COL4A2: variants seen among roughly 807,000 people sequenced by gnomAD.
COL4A2 encodes the protein collagen alpha-2(IV) chain.
Under a neutral mutation model 200.2 loss-of-function variants are expected in COL4A2, and 99 were observed. That is an observed-to-expected ratio of 0.49 (90% CI 0.42 to 0.58). The LOEUF is 0.58. Ranked by LOEUF, COL4A2 falls within the 20% of genes least tolerant of loss-of-function variation. COL4A2 has a pLI of 0.00. For synonymous variants in COL4A2, 897 were observed against 900.6 expected (o/e 1.00, Z 0.07); for missense variants, 1,950 against 2,314.1 (o/e 0.84, Z 3.23).
chr13:110,386,785 T>G (rs2139417985), intron 4 of COL4A2, among the ~76,000 whole-genome samples: 1 of 152,244 alleles, frequency 6.6e-6, no homozygotes, highest in South Asian at 2.1e-4. Flanking sequence ...GACCATGATG[T>G]GGGACAGAGA....
At position 110,386,395 on chromosome 13, in the gene COL4A2, C is replaced by A. The variant is rs534522015; in HGVS notation, c.180+28843C>A. Among the ~76,000 whole-genome samples the A allele has an allele frequency of 2.0e-5, 3 of 152,304 alleles. No individual in the cohort carries two copies. In the East Asian group the frequency reaches 5.8e-4, roughly 29 times the overall value. ...TCAGGTGTGTTTCTTGTGTAAGCCA[C>A]AGTGCTGGAAAAGTAGGATGGCTCC... is the stretch of plus-strand genomic sequence containing the variant. On this transcript the variant is annotated intron_variant, in intron 4 of 47. Coordinates refer to ENST00000360467, the MANE Select transcript of COL4A2 (RefSeq NM_001846.4).
At chr13:110,423,874 C>T (rs990006833) in intron 4 of COL4A2, among the ~76,000 whole-genome samples, 23 of 152,194 alleles carry the variant, frequency 1.5e-4, no homozygotes, top group African/African-American at 4.8e-4. Context: ...AAGGTTCTTC[C>T]GTGTCACAGC....
rs1424466893 is a variant in COL4A2, at chr13:110,307,788, G to T, written c.-44-72G>T. The T allele has an allele frequency of 1.4e-6, 2 of 1,390,624 alleles. No individual in the cohort carries two copies. The highest frequency in any genetic ancestry group is 2.3e-5 in the Admixed American group (1 of 43,240). 86.1% of individuals were successfully genotyped at this position (1,390,624 alleles called of 1,614,324 possible). On this transcript the variant is annotated intron_variant, in intron 1 of 47. Coordinates refer to ENST00000360467, the MANE Select transcript of COL4A2 (RefSeq NM_001846.4). This position sits in a 1 kb window ranked among gnomAD's most constrained non-coding sequence, Gnocchi z 5.0. ...CACCGCGCTGTCCCCGCGTCTCGCG[G>T]ACCGAGACCGGCGGTGAGGATGGGC...
chr13:110,365,083 A>G (rs1877684670), intron 4 of COL4A2, among the ~76,000 whole-genome samples: 2 of 152,120 alleles, frequency 1.3e-5, no homozygotes, highest in South Asian at 2.1e-4. Flanking sequence ...AACTGTGGCT[A>G]TGCATAATCC....
Position 110,424,945 on chromosome 13 carries a change from C to T in COL4A2, c.316-8C>T, listed in dbSNP as rs772419497. The T allele has an allele frequency of 6.2e-7, 1 of 1,614,208 alleles. No homozygotes were observed. Among genetic ancestry groups the T allele is most frequent in the East Asian group, 2.2e-5 (1 of 44,886 alleles). On this transcript the variant is annotated splice_polypyrimidine_tract_variant and splice_region_variant and intron_variant, in intron 5 of 47. Coordinates refer to ENST00000360467, the MANE Select transcript of COL4A2 (RefSeq NM_001846.4). ...AGCCTTGGTTAATTGCATTTGCTTTCTTCATAGGGAGCAAGAGGCGTTTCT... is the reference window on the plus strand; with the variant it reads ...AGCCTTGGTTAATTGCATTTGCTTTTTTCATAGGGAGCAAGAGGCGTTTCT...
In COL4A2 at chr13:110,503,675, G is replaced by C. The variant is rs550161335; in HGVS notation, c.4139-172G>C. The stretch of plus-strand genomic sequence containing the variant: ...GGAATGGAGAGCTTAATATTCAAAC[G>C]GCAGGCGCTGAGTCACGGCTCAGGC... On this transcript the variant is annotated intron_variant, in intron 43 of 47. Coordinates refer to ENST00000360467, the MANE Select transcript of COL4A2 (RefSeq NM_001846.4). 2.2e-4 allele frequency among the ~76,000 whole-genome samples: 34 copies of C among 152,288 alleles called. No homozygotes were observed. The South Asian group carries it at 6.6e-3, about 30-fold the overall frequency.
At position 110,485,761 on chromosome 13, in the gene COL4A2, C is replaced by T. The variant is rs765918810; in HGVS notation, c.3132C>T (p.Ile1044=). The change falls in exon 34 of 48, where the codon ATC becomes ATT. Residue 1044 remains isoleucine (I), a synonymous_variant. Coordinates refer to ENST00000360467, the MANE Select transcript of COL4A2 (RefSeq NM_001846.4). ...GVKGDIGVPG[I]PGLPGFPGVA... is the part of the protein sequence containing the mutation. ...AGGGAGACATCGGAGTCCCCGGCAT[C>T]CCCGGTTTGCCAGGATTCCCTGGGG... The T allele has an allele frequency of 1.2e-6, 2 of 1,613,932 alleles. No individual in the cohort carries two copies. The highest frequency in any genetic ancestry group is 3.3e-5 in the Admixed American group (2 of 60,018).
chr13:110,423,631 G>A (rs1270386199), intron 4 of COL4A2, among the ~76,000 whole-genome samples: 1 of 152,130 alleles, frequency 6.6e-6, no homozygotes, highest in East Asian at 1.9e-4. Flanking sequence ...CTTTCACGTT[G>A]TTGTGCAACC....
intron 4 of COL4A2, among the ~76,000 whole-genome samples, chr13:110,386,537 T>C (rs1254147904): frequency 6.6e-6 from 1 of 152,204 alleles, no homozygotes; most frequent in Non-Finnish European, 1.5e-5. Context: ...AAAATACTCA[T>C]AGGTTTTATG....
chr13:110,355,646 T>C (rs9521707), intron 3 of COL4A2, among the ~76,000 whole-genome samples: 1 of 14,044 alleles, frequency 7.1e-5, no homozygotes, highest in African/African-American at 9.2e-4. Context: ...CCTGTGTGTG[T>C]GGGGGAGGGC....
intron 20 of COL4A2, chr13:110,456,422 G>A (rs924347839): frequency 2.2e-5 from 6 of 272,226 alleles, no homozygotes; most frequent in Admixed American, 1.6e-4. Context: ...TTAGTTTTTT[G>A]GGGGGGAACC....
chr13:110,401,903 C>T (rs1230026099), intron 4 of COL4A2, among the ~76,000 whole-genome samples: 1 of 152,166 alleles, frequency 6.6e-6, no homozygotes, highest in Non-Finnish European at 1.5e-5. Context: ...AGGACAGATG[C>T]TCCCTCCTTT....
intron 4 of COL4A2, among the ~76,000 whole-genome samples, chr13:110,388,037 AAAT>A (rs369852444): frequency 1.9e-4 from 29 of 152,346 alleles, no homozygotes; most frequent in African/African-American, 6.5e-4. Flanking sequence ...AAAATGGACT[AAAT>A]GATGATTATG....
chr13:110,480,166 A>G (rs1882849642), intron 30 of COL4A2, 54 bp from the exon 31 acceptor site: 2 of 1,503,212 alleles, frequency 1.3e-6, no homozygotes, highest in African/African-American at 2.8e-5. Context: ...CAGAAGAGAA[A>G]TTTCCCCTGT....
chr13:110,440,521 G>T (rs1355750725), intron 16 of COL4A2, among the ~76,000 whole-genome samples: 1 of 152,098 alleles, frequency 6.6e-6, no homozygotes, highest in African/African-American at 2.4e-5. Flanking sequence ...ACTTGAACCT[G>T]GGAGGCAGAG....
chr13:110,401,196 G>A (rs1422758788), intron 4 of COL4A2, among the ~76,000 whole-genome samples: 1 of 152,196 alleles, frequency 6.6e-6, no homozygotes, highest in Non-Finnish European at 1.5e-5. Flanking sequence ...AGGAGGACCA[G>A]AGAACAAGCT....
At chr13:110,348,902 C>A (rs576316716) in intron 3 of COL4A2, among the ~76,000 whole-genome samples, 1 of 152,268 alleles carries the variant, frequency 6.6e-6, no homozygotes, top group South Asian at 2.1e-4. Flanking sequence ...CAAGAAGTTT[C>A]TTGGAACATG....
chr13:110,328,741 G>A (rs577659695), intron 3 of COL4A2, among the ~76,000 whole-genome samples: 4 of 152,322 alleles, frequency 2.6e-5, no homozygotes, highest in South Asian at 2.1e-4. Flanking sequence ...CCAGAGAGAC[G>A]GGCGGGCTCC....
intron 26 of COL4A2, among the ~76,000 whole-genome samples, chr13:110,466,753 G>T (rs999975236): frequency 1.3e-5 from 2 of 152,190 alleles, no homozygotes; most frequent in African/African-American, 4.8e-5. Context: ...TTGCACCCAG[G>T]CTACTGCCCT....
Sources: allele counts gnomAD v4.1 joint callset (sites outside exome capture counted in the v4.1 genomes callset), GRCh38; gene constraint gnomAD v4.1.1; non-coding constraint Gnocchi (gnomAD v3.1); transcripts MANE v1.5; gene names NCBI Gene and HGNC (gene_info 2026-07-23, HGNC 2026-07-21).